The following CAMTA1 variants were observed in gnomAD, a reference collection of about 807,000 sequenced individuals.
The protein encoded by CAMTA1 is calmodulin-binding transcription activator 1.
A neutral mutation model predicts 170.9 loss-of-function variants in CAMTA1; 27 were observed. That is an observed-to-expected ratio of 0.16 (90% CI 0.12 to 0.22). The LOEUF is 0.22. CAMTA1 is among the 10% of genes least tolerant of loss of function. The pLI is 1.00. For missense variants in CAMTA1, 1,619 were observed against 2,217.2 expected (o/e 0.73, Z 5.42); for synonymous variants, 833 against 891.5 (o/e 0.93, Z 1.17).
intron 5 of CAMTA1, among the ~76,000 whole-genome samples, chr1:7,408,628 G>A (rs1307299471): frequency 2.0e-5 from 3 of 152,202 alleles, no homozygotes; most frequent in Admixed American, 6.5e-5. Flanking sequence ...GGCTGCTCTC[G>A]ATTTTGGTGA....
chr1:6,914,144 G>A (rs916367883), intron 3 of CAMTA1, among the ~76,000 whole-genome samples: 1 of 81,584 alleles, frequency 1.2e-5, no homozygotes, highest in African/African-American at 4.5e-5. Context: ...TGCTCTTTTT[G>A]CCCAGGCTGG....
chr1:7,586,535 C>A (rs1361742291), intron 6 of CAMTA1, among the ~76,000 whole-genome samples: 1 of 152,156 alleles, frequency 6.6e-6, no homozygotes, highest in Non-Finnish European at 1.5e-5. Context: ...TGAAGCCCTG[C>A]TCCAGGGCCC....
At chr1:7,375,349 C>T (rs891155423) in intron 5 of CAMTA1, among the ~76,000 whole-genome samples, 4 of 152,124 alleles carry the variant, frequency 2.6e-5, no homozygotes, top group African/African-American at 7.2e-5. Flanking sequence ...GCCCCTGACC[C>T]GAAACCACCA....
At chr1:7,669,306 G>T (rs1340830371) in intron 9 of CAMTA1, among the ~76,000 whole-genome samples, 2 of 152,238 alleles carry the variant, frequency 1.3e-5, no homozygotes, top group Admixed American at 6.5e-5. Context: ...TCTTTTCCTG[G>T]CTGGGCAATG....
chr1:7,527,969 C>G (rs944590335), intron 6 of CAMTA1, among the ~76,000 whole-genome samples: 1 of 152,160 alleles, frequency 6.6e-6, no homozygotes, highest in African/African-American at 2.4e-5. Context: ...GGCGCAGCGG[C>G]AAGAGCCTAG....
chr1:6,899,545 C>CGG (rs1491384648), intron 3 of CAMTA1, among the ~76,000 whole-genome samples: 1 of 74,738 alleles, frequency 1.3e-5, no homozygotes, highest in East Asian at 3.6e-4. Flanking sequence ...ATAACGCGCA[C>CGG]GCGCGCGCGC....
intron 5 of CAMTA1, among the ~76,000 whole-genome samples, chr1:7,420,126 A>C (rs1181724737): frequency 6.6e-6 from 1 of 151,918 alleles, no homozygotes; most frequent in Admixed American, 6.6e-5. Context: ...CTGGGCCCGC[A>C]CACCCTCCTG....
At chr1:7,283,383 C>G (rs561205297) in intron 5 of CAMTA1, among the ~76,000 whole-genome samples, 1 of 152,302 alleles carries the variant, frequency 6.6e-6, no homozygotes, top group South Asian at 2.1e-4. Flanking sequence ...CTTTCCCGCT[C>G]TCTACTTTCT....
intron 5 of CAMTA1, among the ~76,000 whole-genome samples, chr1:7,307,506 C>T (rs1187558958): frequency 6.6e-6 from 1 of 151,908 alleles, no homozygotes; most frequent in East Asian, 1.9e-4. Context: ...GACAGTTTTG[C>T]CATGTTCCTG....
intron 12 of CAMTA1, among the ~76,000 whole-genome samples, chr1:7,733,398 T>A (rs11121009): frequency 0.014 from 2,187 of 152,344 alleles, 52 homozygotes; most frequent in African/African-American, 0.051. Flanking sequence ...AGAGAAAGTG[T>A]TTATGTAATG....
chr1:7,068,857 G>A (rs1460605532), intron 3 of CAMTA1, among the ~76,000 whole-genome samples: 1 of 152,076 alleles, frequency 6.6e-6, no homozygotes, highest in Non-Finnish European at 1.5e-5. Flanking sequence ...CACTTACCGG[G>A]TGCTTTGGCC....
intron 3 of CAMTA1, among the ~76,000 whole-genome samples, chr1:7,029,504 A>T (rs1489750174): frequency 1.3e-5 from 2 of 151,390 alleles, no homozygotes; most frequent in Non-Finnish European, 2.9e-5. Flanking sequence ...AAAAAAAAAA[A>T]AAAAAAAAAA....
At chr1:7,297,680 C>T (rs1422739353) in intron 5 of CAMTA1, among the ~76,000 whole-genome samples, 1 of 152,232 alleles carries the variant, frequency 6.6e-6, no homozygotes, top group Non-Finnish European at 1.5e-5. Flanking sequence ...GCTGCTTTAG[C>T]AGCCCCAAAC....
At chr1:7,750,973 GAA>G (rs141739870) in intron 19 of CAMTA1, 21,426 of 676,046 alleles carry the variant, frequency 0.032, 518 homozygotes, top group African/African-American at 0.084. Context: ...ATATTTTAGG[GAA>G]AAAATATATG....
rs2094962544 is a variant in CAMTA1, at chr1:7,561,947, C to A, written c.511-78453C>A. On this transcript the variant is annotated intron_variant, in intron 6 of 22. Transcript: ENST00000303635. This position sits in a 1 kb window ranked among gnomAD's most constrained non-coding sequence, Gnocchi z 5.3. The stretch of plus-strand genomic sequence containing the variant: ...TCCTGGGCTCCATTTTTCCCCTGAC[C>A]TGCCCAGTCCTGTGTTCCAGGTCAG... Among the ~76,000 whole-genome samples, 1 of 152,216 alleles carries A rather than the reference C, an allele frequency of 6.6e-6. No homozygotes were observed. The highest frequency in any genetic ancestry group is 2.4e-5 in the African/African-American group (1 of 41,450).
At chr1:7,034,921 TG>T (rs1703361605) in intron 3 of CAMTA1, among the ~76,000 whole-genome samples, 1 of 152,218 alleles carries the variant, frequency 6.6e-6, no homozygotes, top group Non-Finnish European at 1.5e-5. Context: ...AAAAATCAGT[TG>T]TTTTTTTTAA....
At chr1:7,743,571 AC>A (rs2096833585) in intron 16 of CAMTA1, among the ~76,000 whole-genome samples, 1 of 152,092 alleles carries the variant, frequency 6.6e-6, no homozygotes, top group Admixed American at 6.5e-5. Flanking sequence ...GGAATCATGC[AC>A]CATGCAGCCC....
intron 10 of CAMTA1, among the ~76,000 whole-genome samples, chr1:7,672,828 C>T (rs995580923): frequency 6.6e-6 from 1 of 152,078 alleles, no homozygotes; most frequent in African/African-American, 2.4e-5. Flanking sequence ...AAAAAGTTCC[C>T]AGGAGCCAGT....
intron 4 of CAMTA1, among the ~76,000 whole-genome samples, chr1:7,203,473 T>C (rs1410459061): frequency 7.1e-6 from 1 of 141,770 alleles, no homozygotes; most frequent in Non-Finnish European, 1.5e-5. Context: ...TGGGCATGGG[T>C]TTTTCCTTGT....
Sources: gnomAD v4.1 joint callset for allele counts (sites outside exome capture counted in the v4.1 genomes callset) on GRCh38, gnomAD v4.1.1 for gene constraint, Gnocchi (gnomAD v3.1) non-coding constraint, MANE v1.5 for transcripts, NCBI Gene and HGNC (gene_info 2026-07-23, HGNC 2026-07-21) for gene names.